The following FANCD2 variants were observed in gnomAD, a reference collection of about 807,000 sequenced individuals.
FANCD2 encodes the protein FA complementation group D2, also known as Fanconi anemia group D2 protein.
FANCD2 carries 131 observed loss-of-function variants against 192.3 expected under a neutral mutation model. The observed-to-expected ratio is 0.68, with a 90% confidence interval of 0.59 to 0.79. The LOEUF (loss-of-function observed/expected upper bound fraction) is 0.79. Ranked by LOEUF, FANCD2 falls within the 30% of genes least tolerant of loss-of-function variation. FANCD2 has a pLI of 0.00. For synonymous variants in FANCD2, 524 were observed against 612.5 expected (o/e 0.86, Z 2.13); for missense variants, 1,508 against 1,701.6 (o/e 0.89, Z 2.00).
intron 18 of FANCD2, among the ~76,000 whole-genome samples, chr3:10,056,029 C>T (rs1031014660): frequency 6.6e-6 from 1 of 152,060 alleles, no homozygotes; most frequent in Admixed American, 6.5e-5. Context: ...TAGGCACGCA[C>T]CACCACTCCC....
rs562606778 is a variant in FANCD2 at position 10,035,276 on chromosome 3, T to C, written c.438+43T>C. The C allele has an allele frequency of 2.0e-6, 3 of 1,525,932 alleles. No homozygotes were observed. In the African/African-American group the frequency reaches 4.1e-5, roughly 21 times the overall value. 94.5% of individuals were successfully genotyped at this position (1,525,932 alleles called of 1,614,324 possible). A position where few individuals can be genotyped will look rare whatever the true frequency, so the allele number is the denominator to read the frequency against. On this transcript the variant is annotated intron_variant, in intron 6 of 43. Transcript: ENST00000675286. The stretch of plus-strand genomic sequence containing the variant: ...TCTGTGAACATTTGATGGAAGAGGT[T>C]TGTGGTGTATGCTCAAGTCTAAATA...
chr3:10,052,504 G>A lies in FANCD2; in HGVS notation c.1656+7G>A, dbSNP rs2087247632. 6.3e-7 allele frequency: 1 copy of A among 1,593,452 alleles called. No individual in the cohort carries two copies. The highest frequency in any genetic ancestry group is 1.1e-5 in the South Asian group (1 of 90,638). On this transcript the variant is annotated splice_region_variant and intron_variant, in intron 18 of 43. Transcript: ENST00000675286. ...AGCCAGCAGCCACATCCAGGTAAGA[G>A]GCAATATGTTGGGAAAGATTTTTTT...
chr3:10,048,838 G>A (rs2087110583), intron 16 of FANCD2, among the ~76,000 whole-genome samples: 1 of 152,276 alleles, frequency 6.6e-6, no homozygotes, highest in Admixed American at 6.5e-5. Context: ...TGTTGCAGTT[G>A]AAAATGTAAT....
At chr3:10,055,786 T>G (rs1247809043) in intron 18 of FANCD2, among the ~76,000 whole-genome samples, 1 of 151,806 alleles carries the variant, frequency 6.6e-6, no homozygotes, top group Admixed American at 6.6e-5. Flanking sequence ...CACTCCAGCC[T>G]GGGAGACAGA....
chr3:10,078,694 T>C (rs1693664542), intron 30 of FANCD2, among the ~76,000 whole-genome samples: 1 of 146,220 alleles, frequency 6.8e-6, no homozygotes, highest in Non-Finnish European at 1.5e-5. Flanking sequence ...CTGGGCGTGG[T>C]GGCTCACGCC....
intron 14 of FANCD2, among the ~76,000 whole-genome samples, chr3:10,044,822 A>G (rs2086956281): frequency 6.6e-6 from 1 of 152,206 alleles, no homozygotes; most frequent in Admixed American, 6.5e-5. Flanking sequence ...ATAAACATAA[A>G]TTTACCACCT....
intron 42 of FANCD2, among the ~76,000 whole-genome samples, chr3:10,096,937 G>C (rs1575871563): frequency 1.3e-5 from 2 of 152,250 alleles, no homozygotes; most frequent in Admixed American, 1.3e-4. Context: ...ATTTTCCTAA[G>C]TGTCAGCTGG....
At position 10,101,328 on chromosome 3, in the gene FANCD2, T is replaced by G; in HGVS notation, c.*66T>G. ...CCTGTGATCATTTTGTGTTAGAGTT[T>G]GAAATCCGCTGTTTGCCTTTCTTAC... is the stretch of plus-strand genomic sequence containing the variant. On this transcript the variant is annotated 3_prime_UTR_variant, in exon 44 of 44. Transcript: ENST00000675286. 8.6e-7 allele frequency: 1 copy of G among 1,158,674 alleles called. No homozygotes were observed. Among genetic ancestry groups the G allele is most frequent in the East Asian group, 2.3e-5 (1 of 42,844 alleles). 71.8% of individuals were successfully genotyped at this position (1,158,674 alleles called of 1,614,324 possible). A position where few individuals can be genotyped will look rare whatever the true frequency, so the allele number is the denominator to read the frequency against.
chr3:10,035,313 GGATA>G, intron 6 of FANCD2, 80 bp downstream of exon 6: 1 of 1,222,122 alleles, frequency 8.2e-7, no homozygotes, highest in Non-Finnish European at 1.2e-6. Context: ...CGGGAACACA[GGATA>G]GAGTAGGGTT....
intron 26 of FANCD2, 47 bp from the exon 27 acceptor site, chr3:10,072,824 G>A (rs1391407660): frequency 3.1e-6 from 3 of 980,010 alleles, no homozygotes; most frequent in Non-Finnish European, 5.0e-6. Context: ...GTCTAATGGT[G>A]GTGTGTAATT....
intron 6 of FANCD2, 22 bp from the exon 7 acceptor site, chr3:10,036,265 C>T: frequency 2.5e-6 from 4 of 1,595,480 alleles, no homozygotes; most frequent in Non-Finnish European, 3.4e-6. Flanking sequence ...CATCTCCTAA[C>T]TCCCTATGTC....
intron 20 of FANCD2, 93 bp from the exon 21 acceptor site, chr3:10,063,699 T>A: frequency 1.3e-6 from 2 of 1,546,076 alleles, no homozygotes; most frequent in Non-Finnish European, 1.8e-6. Context: ...GCCAGTAAAA[T>A]CAGAAAGTGA....
chr3:10,050,404 C>G (rs1485067837), intron 17 of FANCD2, among the ~76,000 whole-genome samples: 4 of 151,964 alleles, frequency 2.6e-5, no homozygotes, highest in Non-Finnish European at 5.9e-5. Flanking sequence ...GCGGGCAAAT[C>G]ACGAGGTCAG....
intron 30 of FANCD2, among the ~76,000 whole-genome samples, chr3:10,079,113 G>T (rs575197743): frequency 6.6e-6 from 1 of 151,880 alleles, no homozygotes; most frequent in African/African-American, 2.4e-5. Flanking sequence ...GTATGGTGGC[G>T]CATGCTTGTA....
intron 17 of FANCD2, among the ~76,000 whole-genome samples, chr3:10,050,023 G>T (rs976159632): frequency 6.6e-6 from 1 of 152,202 alleles, no homozygotes; most frequent in African/African-American, 2.4e-5. Context: ...GGAGAGGAAT[G>T]ATTGGAGGCA....
At chr3:10,067,422 A>G in intron 26 of FANCD2, 105 bp downstream of exon 26, 2 of 719,898 alleles carry the variant, frequency 2.8e-6, no homozygotes, top group Non-Finnish European at 5.0e-6. Flanking sequence ...CATCAAAAAA[A>G]GAAATCTCAG....
rs1176266926 is a variant in FANCD2, at chr3:10,039,783, C to A, written c.633C>A (p.Ile211=). ...SIAPENLQHD[I]ITSLPEILGD... is the part of the protein sequence containing the mutation. ...CTCCAGAGAACCTGCAGCATGACAT[C>A]ATCACCAGCCTACCTGAGATCCTAG... The change falls in exon 9 of 44, where the codon ATC becomes ATA. Residue 211 remains isoleucine (I), a synonymous_variant. Transcript: ENST00000675286. 2.5e-6 allele frequency: 4 copies of A among 1,613,850 alleles called. No individual in the cohort carries two copies. The highest frequency in any genetic ancestry group is 3.4e-6 in the Non-Finnish European group (4 of 1,179,986).
At chr3:10,030,662 G>C (rs990202965) in intron 2 of FANCD2, among the ~76,000 whole-genome samples, 3 of 152,186 alleles carry the variant, frequency 2.0e-5, no homozygotes, top group African/African-American at 7.2e-5. Context: ...CACTTTGGGA[G>C]GCCAAGGCGG....
intron 19 of FANCD2, among the ~76,000 whole-genome samples, chr3:10,061,147 A>G (rs1158772294): frequency 6.6e-6 from 1 of 152,238 alleles, no homozygotes; most frequent in Non-Finnish European, 1.5e-5. Flanking sequence ...TACTGCACAA[A>G]GCCCTCTTCG....
Sources: gnomAD v4.1 joint callset for allele counts (sites outside exome capture counted in the v4.1 genomes callset) on GRCh38, gnomAD v4.1.1 for gene constraint, MANE v1.5 for transcripts, NCBI Gene and HGNC (gene_info 2026-07-23, HGNC 2026-07-21) for gene names.